The following ERG variants were observed in gnomAD, a reference collection of about 807,000 sequenced individuals.
ERG encodes the protein ETS transcription factor ERG, also known as transcriptional regulator ERG.
A neutral mutation model predicts 55.3 loss-of-function variants in ERG; 9 were observed. That is an observed-to-expected ratio of 0.16 (90% CI 0.10 to 0.28). The LOEUF (loss-of-function observed/expected upper bound fraction) is 0.28. ERG is among the 10% of genes least tolerant of loss of function. The probability of loss-of-function intolerance (pLI) is 1.00; values close to 1 mark genes in which losing one functional copy is unlikely to be tolerated. For synonymous variants in ERG, 223 were observed against 237.3 expected, an observed-to-expected ratio of 0.94 and a Z score of 0.55; for missense variants, 434 against 631.6, an observed-to-expected ratio of 0.69 and a Z score of 3.35.
At chr21:38,618,208 A>G (rs1423303448) in intron 1 of ERG, among the ~76,000 whole-genome samples, 1 of 152,238 alleles carries the variant, frequency 6.6e-6, no homozygotes, top group Non-Finnish European at 1.5e-5. Flanking sequence ...CCAAGCAAGG[A>G]GCAAGACCAT....
chr21:38,547,353 T>C (rs532622996), intron 2 of ERG, among the ~76,000 whole-genome samples: 40 of 152,342 alleles, frequency 2.6e-4, no homozygotes, highest in Non-Finnish European at 4.9e-4. Context: ...AAGATCTGCA[T>C]GGCCTCAACC....
intron 1 of ERG, among the ~76,000 whole-genome samples, chr21:38,479,192 G>T (rs2059215372): frequency 6.6e-6 from 1 of 152,116 alleles, no homozygotes; most frequent in Admixed American, 6.6e-5. Context: ...AATTGCATTG[G>T]CACTTTCAAA....
chr21:38,647,084 C>T (rs188852148), intron 1 of ERG, among the ~76,000 whole-genome samples: 9 of 152,274 alleles, frequency 5.9e-5, no homozygotes, highest in South Asian at 2.1e-4. Context: ...CCTTCTCATA[C>T]GTGGAAAACA....
chr21:38,548,355 T>C (rs961404289), intron 2 of ERG, among the ~76,000 whole-genome samples: 2 of 152,140 alleles, frequency 1.3e-5, no homozygotes, highest in Non-Finnish European at 2.9e-5. Context: ...AAATTTAAAA[T>C]TATGTTCTAA....
intron 1 of ERG, among the ~76,000 whole-genome samples, chr21:38,464,259 C>T (rs963196876): frequency 1.8e-4 from 27 of 152,090 alleles, no homozygotes; most frequent in African/African-American, 6.3e-4. Flanking sequence ...CTTCTGGTTT[C>T]CGTGTTTTTC....
intron 1 of ERG, among the ~76,000 whole-genome samples, chr21:38,659,753 G>A (rs2060540827): frequency 6.6e-6 from 1 of 152,168 alleles, no homozygotes; most frequent in African/African-American, 2.4e-5. Flanking sequence ...CATTGAAATT[G>A]TTTATCCATT....
At chr21:38,509,811 T>C (rs929797997) in intron 2 of ERG, among the ~76,000 whole-genome samples, 1 of 152,216 alleles carries the variant, frequency 6.6e-6, no homozygotes, top group African/African-American at 2.4e-5. Context: ...ATTCATTACC[T>C]TGAGTTACTA....
intron 9 of ERG, among the ~76,000 whole-genome samples, chr21:38,385,378 G>A (rs2836355): frequency 0.023 from 3,429 of 152,234 alleles, 76 homozygotes; most frequent in East Asian, 0.14. Context: ...AATATCAATC[G>A]ATGTGATAAA....
chr21:38,643,685 C>G (rs28665372), intron 1 of ERG, among the ~76,000 whole-genome samples: 1 of 152,144 alleles, frequency 6.6e-6, no homozygotes, highest in Admixed American at 6.6e-5. Context: ...GGGAATGCAT[C>G]GGTCTGCACC....
intron 2 of ERG, among the ~76,000 whole-genome samples, chr21:38,549,659 A>G (rs9978050): frequency 0.45 from 69,048 of 152,072 alleles, 18,603 homozygotes; most frequent in Non-Finnish European, 0.62. Flanking sequence ...ATTTTCTATG[A>G]AAAAAAGAGA....
At chr21:38,583,192 T>C (rs1047449907) in intron 1 of ERG, among the ~76,000 whole-genome samples, 1 of 152,224 alleles carries the variant, frequency 6.6e-6, no homozygotes, top group African/African-American at 2.4e-5. Flanking sequence ...CAGCAAACCC[T>C]GCCATAAGAA....
At chr21:38,599,972 A>G (rs2060154737) in intron 1 of ERG, among the ~76,000 whole-genome samples, 1 of 152,246 alleles carries the variant, frequency 6.6e-6, no homozygotes, top group Non-Finnish European at 1.5e-5. Flanking sequence ...GGATAGTGTC[A>G]AAACCAATCA....
intron 1 of ERG, among the ~76,000 whole-genome samples, chr21:38,485,705 A>G (rs13052418): frequency 0.12 from 18,177 of 151,156 alleles, 1,227 homozygotes; most frequent in East Asian, 0.26. Flanking sequence ...TGATCCGCCC[A>G]CCTCGGCCTC....
Position 38,498,334 on chromosome 21 carries a change from T to G in ERG, c.18+29A>C. The G allele has an allele frequency of 6.3e-7, 1 of 1,595,182 alleles. No individual in the cohort carries two copies. Among genetic ancestry groups the G allele is most frequent in the Non-Finnish European group, 8.6e-7 (1 of 1,164,478 alleles). On this transcript the variant is annotated intron_variant, in intron 1 of 9. Transcript: ENST00000288319. This position sits in a 1 kb window ranked among gnomAD's most constrained non-coding sequence, Gnocchi z 4.6. ...GAAAAGAGTAACAAGAACAAGATTTTGTCAAATTAAAAGGAACCCTTTCCT... is the reference window on the plus strand; with the variant it reads ...GAAAAGAGTAACAAGAACAAGATTTGGTCAAATTAAAAGGAACCCTTTCCT...
chr21:38,620,132 G>A (rs1170942428), intron 1 of ERG, among the ~76,000 whole-genome samples: 3 of 152,234 alleles, frequency 2.0e-5, no homozygotes, highest in African/African-American at 7.2e-5. Context: ...TAGATACAGA[G>A]AGTCCATAAA....
At chr21:38,444,269 C>T (rs1006144748) in intron 2 of ERG, among the ~76,000 whole-genome samples, 4 of 152,204 alleles carry the variant, frequency 2.6e-5, no homozygotes, top group African/African-American at 9.6e-5. Flanking sequence ...TAAATCCAAA[C>T]TCTGATTCCA....
intron 1 of ERG, among the ~76,000 whole-genome samples, chr21:38,593,792 AAG>A (rs2060115378): frequency 6.6e-6 from 1 of 152,224 alleles, no homozygotes; most frequent in African/African-American, 2.4e-5. Flanking sequence ...AGTCATATTA[AAG>A]AGAGATTACA....
At chr21:38,449,212 A>G (rs2058919105) in intron 1 of ERG, 1 of 152,244 alleles carries the variant, frequency 6.6e-6, no homozygotes, top group Non-Finnish European at 1.5e-5. Flanking sequence ...CTATGTTACT[A>G]TAAAAAGACC....
chr21:38,456,371 TCTA>T (rs1159102829), intron 1 of ERG, among the ~76,000 whole-genome samples: 40 of 152,188 alleles, frequency 2.6e-4, no homozygotes, highest in Admixed American at 3.3e-4. Flanking sequence ...GTGGAAAGGA[TCTA>T]CTCTCTTGCA....
Sources: gnomAD v4.1 joint callset for allele counts (sites outside exome capture counted in the v4.1 genomes callset) on GRCh38, gnomAD v4.1.1 for gene constraint, Gnocchi (gnomAD v3.1) non-coding constraint, MANE v1.5 for transcripts, NCBI Gene and HGNC (gene_info 2026-07-23, HGNC 2026-07-21) for gene names.